SCN10A: variants seen among roughly 807,000 people sequenced by gnomAD.
The protein encoded by SCN10A is sodium channel protein type 10 subunit alpha.
A neutral mutation model predicts 170.7 loss-of-function variants in SCN10A; 162 were observed. The observed-to-expected ratio is 0.95, with a 90% CI of 0.84 to 1.08. The LOEUF (loss-of-function observed/expected upper bound fraction) is 1.08, where lower values mean the gene tolerates loss of function less well. Ranked by LOEUF, SCN10A falls within the 50% of genes least tolerant of loss-of-function variation. The probability of loss-of-function intolerance (pLI) is 0.00; values close to 1 mark genes in which losing one functional copy is unlikely to be tolerated. For missense variants in SCN10A, 2,527 were observed against 2,436.9 expected (o/e 1.04, Z -0.78); for synonymous variants, 985 against 904.6 (o/e 1.09, Z -1.59).
At chr3:38,764,415 T>C (rs1272453249) in intron 5 of SCN10A, among the ~76,000 whole-genome samples, 1 of 152,142 alleles carries the variant, frequency 6.6e-6, no homozygotes, top group African/African-American at 2.4e-5. Flanking sequence ...GTCATTGTTA[T>C]GCCTTTGCAT....
At chr3:38,791,774 T>A (rs984733481) in intron 3 of SCN10A, among the ~76,000 whole-genome samples, 7 of 152,180 alleles carry the variant, frequency 4.6e-5, no homozygotes, top group African/African-American at 1.7e-4. Context: ...ATAAAGAGGA[T>A]GTTTTTCAAG....
chr3:38,793,256 C>T (rs1277090738), intron 2 of SCN10A, among the ~76,000 whole-genome samples: 1 of 152,152 alleles, frequency 6.6e-6, no homozygotes, highest in Non-Finnish European at 1.5e-5. Context: ...AGACAAATTA[C>T]ATCCAAGTAT....
In SCN10A at chr3:38,697,403, T is replaced by A. The variant is rs2063100895; in HGVS notation, c.5817A>T (p.Ser1939=). The change falls in exon 28 of 28, where the codon TCA becomes TCT. Residue 1939 remains serine (S), a synonymous_variant. Transcript: ENST00000449082. The part of the protein sequence containing the change: ...SDRVNMRTSS[S]IQNEDEATSM... ...TGGTGGCTTCATCTTCATTTTGTAT[T>A]GAGCTAGATGTCCTCATGTTGACTC... is the stretch of plus-strand genomic sequence containing the variant. 1 of 1,614,082 alleles carries A rather than the reference T, an allele frequency of 6.2e-7. No homozygotes were observed.
intron 4 of SCN10A, among the ~76,000 whole-genome samples, chr3:38,787,011 C>T (rs945919264): frequency 2.0e-5 from 3 of 152,098 alleles, no homozygotes; most frequent in Admixed American, 6.5e-5. Context: ...TTTAAAATTT[C>T]ATGTAAACTT....
chr3:38,786,626 A>C (rs1203143084), intron 4 of SCN10A, among the ~76,000 whole-genome samples: 3 of 152,152 alleles, frequency 2.0e-5, no homozygotes, highest in Non-Finnish European at 4.4e-5. Flanking sequence ...TTAAAGTAAA[A>C]TTTAAAAAAG....
At chr3:38,745,675 T>C (rs2063678709) in intron 13 of SCN10A, among the ~76,000 whole-genome samples, 2 of 152,104 alleles carry the variant, frequency 1.3e-5, no homozygotes, top group African/African-American at 2.4e-5. Flanking sequence ...TTTACTCCAT[T>C]AATCCTCTTT....
chr3:38,809,752 C>T (rs1442647348), intron 1 of SCN10A, among the ~76,000 whole-genome samples: 1 of 152,102 alleles, frequency 6.6e-6, no homozygotes, highest in East Asian at 1.9e-4. Context: ...AGCCGTGTTC[C>T]TTATTTTCGA....
chr3:38,804,398 G>A (rs545345125), intron 1 of SCN10A, among the ~76,000 whole-genome samples: 1 of 152,024 alleles, frequency 6.6e-6, no homozygotes, highest in East Asian at 1.9e-4. Flanking sequence ...ACACTTTTAC[G>A]ACCTAATAGT....
chr3:38,760,142 G>C (rs2063852774), intron 8 of SCN10A, among the ~76,000 whole-genome samples: 1 of 152,096 alleles, frequency 6.6e-6, no homozygotes, highest in Non-Finnish European at 1.5e-5. Flanking sequence ...CTGTCTCTTG[G>C]ATCTCTACTG....
In SCN10A at chr3:38,750,168, T is replaced by C; in HGVS notation, c.1772A>G (p.Gln591Arg). The C allele has an allele frequency of 6.2e-7, 1 of 1,611,706 alleles. No homozygotes were observed. The highest frequency in any genetic ancestry group is 1.3e-5 in the African/African-American group (1 of 75,030). ...AVDVSAFDAG[Q>R]KKTFLSAEYL... ...TTCTGCTGACAAGAAAGTCTTCTTT[T>C]GTCCTGCATCGAATGCCTGTTGAGA... Residue 591 changes from glutamine to arginine, a missense_variant, in exon 13 of 28, where the codon CAA (glutamine) becomes CGA (arginine). Gln to Arg is a conservative substitution (Grantham distance 43). Transcript: ENST00000449082.
chr3:38,781,582 T>C (rs1180205543), intron 4 of SCN10A, among the ~76,000 whole-genome samples: 2 of 152,142 alleles, frequency 1.3e-5, no homozygotes, highest in South Asian at 2.1e-4. Context: ...AACAACTTTT[T>C]GCAGGTGAAA....
At position 38,698,212 on chromosome 3, in the gene SCN10A, TG is replaced by T. The variant is rs770506883; in HGVS notation, c.5007del (p.Ile1670SerfsTer28). 6.2e-7 allele frequency: 1 copy of T among 1,613,918 alleles called. No individual in the cohort carries two copies. Among genetic ancestry groups the T allele is most frequent in the East Asian group, 2.2e-5 (1 of 44,892 alleles). On this transcript the variant is annotated frameshift_variant, in exon 28 of 28. Coordinates refer to ENST00000449082, the MANE Select transcript of SCN10A (RefSeq NM_006514.4). LOFTEE classifies it high-confidence loss of function. The stretch of plus-strand genomic sequence containing the variant: ...CAGTAGGGGGGCCCTGTGTTGAGGA[TG>T]GGGCTGAGGAGGCCATCCCAGCCGG... ...TSAGWDGLLS[P>X]ILNTGPPYCD...
intron 15 of SCN10A, among the ~76,000 whole-genome samples, chr3:38,731,058 A>G (rs1186361386): frequency 2.6e-5 from 4 of 152,226 alleles, no homozygotes; most frequent in African/African-American, 9.6e-5. Flanking sequence ...GTCCACACCT[A>G]GACATATTAC....
chr3:38,791,449 T>A (rs2064279977), intron 3 of SCN10A, among the ~76,000 whole-genome samples: 1 of 152,200 alleles, frequency 6.6e-6, no homozygotes, highest in South Asian at 2.1e-4. Context: ...GAACATCAGA[T>A]TATTGACATT....
chr3:38,737,991 G>A (rs1012787584), intron 15 of SCN10A, among the ~76,000 whole-genome samples: 1 of 151,094 alleles, frequency 6.6e-6, no homozygotes, highest in African/African-American at 2.4e-5. Context: ...CCAGGCTGGA[G>A]TGCAGTGGCA....
intron 6 of SCN10A, among the ~76,000 whole-genome samples, chr3:38,762,898 C>T (rs62244076): frequency 6.6e-6 from 1 of 152,150 alleles, no homozygotes; most frequent in Non-Finnish European, 1.5e-5. Flanking sequence ...GAAAGTTTGC[C>T]TTGTCTCTGG....
In SCN10A at chr3:38,726,863, C is replaced by T. The variant is rs746281706; in HGVS notation, c.2830G>A (p.Glu944Lys). The change falls in exon 17 of 28, where the codon GAG (glutamate) becomes AAG (lysine). Residue 944 changes from glutamate (E) to lysine (K), a missense_variant. Transcript: ENST00000449082. ...GGGAGTTTCACCACCAGCTCAGGCTCTGCCTTGGGCTGGGGGAATGGGCAG... is the reference window on the plus strand; with the variant it reads ...GGGAGTTTCACCACCAGCTCAGGCTTTGCCTTGGGCTGGGGGAATGGGCAG... ...RSCPFPQPKA[E>K]PELVVKLPLS... 18 of 1,614,110 alleles carry T rather than the reference C, an allele frequency of 1.1e-5. No homozygotes were observed. Among genetic ancestry groups the T allele is most frequent in the Admixed American group, 3.3e-5 (2 of 60,008 alleles).
At chr3:38,768,181 T>G (rs1284094434) in intron 5 of SCN10A, among the ~76,000 whole-genome samples, 1 of 90,556 alleles carries the variant, frequency 1.1e-5, no homozygotes, top group African/African-American at 3.6e-5. Flanking sequence ...GTTGGTGGAT[T>G]TTTTTTTTCC....
chr3:38,737,418 A>T (rs1405010236), intron 15 of SCN10A, among the ~76,000 whole-genome samples: 2 of 152,292 alleles, frequency 1.3e-5, no homozygotes, highest in South Asian at 2.1e-4. Context: ...TACCTAGAGA[A>T]ATCTGTCCTT....
Sources: allele counts gnomAD v4.1 joint callset (sites outside exome capture counted in the v4.1 genomes callset), GRCh38; gene constraint gnomAD v4.1.1; transcripts MANE v1.5; gene names NCBI Gene and HGNC (gene_info 2026-07-23, HGNC 2026-07-21).